Variants in ZC3H7A observed in about 807,000 individuals in gnomAD.
ZC3H7A encodes the protein zinc finger CCCH domain-containing protein 7A.
In ZC3H7A, 44 loss-of-function variants were observed where a neutral mutation model predicts 125.5. That is an observed-to-expected ratio of 0.35 (90% CI 0.28 to 0.45). The LOEUF (loss-of-function observed/expected upper bound fraction) is 0.45, where lower values mean the gene tolerates loss of function less well. Ranked by LOEUF, ZC3H7A falls within the 20% of genes least tolerant of loss-of-function variation. ZC3H7A has a pLI of 1.00. For synonymous variants in ZC3H7A, 399 were observed against 391.2 expected (o/e 1.02, Z -0.23); for missense variants, 977 against 1,170.7 (o/e 0.83, Z 2.41).
chr16:11,791,088 A>AAC (rs34972921), intron 1 of ZC3H7A, among the ~76,000 whole-genome samples: 22,059 of 135,924 alleles, frequency 0.16, 1,716 homozygotes, highest in Non-Finnish European at 0.17. Flanking sequence ...AAATTTTTAA[A>AAC]ACACACACAC....
chr16:11,760,330 A>C (rs1463747068), intron 19 of ZC3H7A, among the ~76,000 whole-genome samples: 3 of 152,154 alleles, frequency 2.0e-5, no homozygotes, highest in Non-Finnish European at 4.4e-5. Context: ...TGATATACAT[A>C]TTATCTCCAT....
chr16:11,782,253 C>A (rs760774535), intron 2 of ZC3H7A, 34 bp downstream of exon 2: 2 of 1,611,952 alleles, frequency 1.2e-6, no homozygotes, highest in Non-Finnish European at 1.7e-6. Flanking sequence ...AGAATTAGGA[C>A]GCGGCAAGAA....
rs1596384148 is a variant in ZC3H7A at position 11,765,353 on chromosome 16, AAT to A, written c.1719+134_1719+135del. The A allele has an allele frequency of 9.5e-6, 6 of 632,256 alleles. No individual in the cohort carries two copies. The highest frequency in any genetic ancestry group is 1.5e-5 in the Non-Finnish European group (6 of 408,110). The allele number at this position is 632,256 out of a possible 1,614,324, so 39.2% of individuals were successfully genotyped here. A position where few individuals can be genotyped will look rare whatever the true frequency, so the allele number is the denominator to read the frequency against. On this transcript the variant is annotated intron_variant, in intron 14 of 22. Coordinates refer to ENST00000355758, the MANE Select transcript of ZC3H7A (RefSeq NM_014153.4). The surrounding 1 kb of genome is among the most constrained non-coding windows in gnomAD (Gnocchi z 4.8). ...GGACCAGAGGAATATTTTATTCATAAATATGATATTATTTATCATATAAATAA... is the reference window on the plus strand; with the variant it reads ...GGACCAGAGGAATATTTTATTCATAAATGATATTATTTATCATATAAATAA...
intron 10 of ZC3H7A, among the ~76,000 whole-genome samples, chr16:11,769,418 A>C (rs1427582581): frequency 6.6e-6 from 1 of 152,108 alleles, no homozygotes; most frequent in Non-Finnish European, 1.5e-5. Flanking sequence ...TCCTTTTGAA[A>C]ATATGGGGCC....
intron 17 of ZC3H7A, among the ~76,000 whole-genome samples, chr16:11,762,421 AG>A (rs2052767910): frequency 6.6e-6 from 1 of 152,182 alleles, no homozygotes; most frequent in African/African-American, 2.4e-5. Context: ...CCAGAACTCC[AG>A]TTGTTTTGTC....
At chr16:11,751,550 C>T in intron 22 of ZC3H7A, 44 bp from the exon 23 acceptor site, 1 of 1,559,586 alleles carries the variant, frequency 6.4e-7, no homozygotes, top group Non-Finnish European at 8.7e-7. Flanking sequence ...TAAGTTGTTT[C>T]TAAAAATCGT....
At chr16:11,760,976 A>G (rs1286064814) in intron 19 of ZC3H7A, among the ~76,000 whole-genome samples, 2 of 152,196 alleles carry the variant, frequency 1.3e-5, no homozygotes, top group Admixed American at 6.5e-5. Flanking sequence ...GGTGTCTTGT[A>G]GCTACGTATC....
chr16:11,788,240 A>G (rs2053289110), intron 1 of ZC3H7A, among the ~76,000 whole-genome samples: 1 of 151,978 alleles, frequency 6.6e-6, no homozygotes, highest in South Asian at 2.1e-4. Flanking sequence ...GTCTCCTGCA[A>G]GCTGAGGCTC....
chr16:11,792,518 A>G (rs1472697443), intron 1 of ZC3H7A, among the ~76,000 whole-genome samples: 1 of 152,250 alleles, frequency 6.6e-6, no homozygotes, highest in African/African-American at 2.4e-5. Context: ...ACTAGCTCAC[A>G]TTAACAGAAG....
chr16:11,782,407 A>T lies in ZC3H7A; in HGVS notation c.-34-19T>A. Reference sequence around the variant, plus strand: ...GAGCAATCTGGAAAGAAACAAGGCAAAAAAGCACATAAGGTACCAGGGTCC... The same window carrying T: ...GAGCAATCTGGAAAGAAACAAGGCATAAAAGCACATAAGGTACCAGGGTCC... On this transcript the variant is annotated intron_variant, in intron 1 of 22. Transcript: ENST00000355758. 1.2e-6 allele frequency: 2 copies of T among 1,607,416 alleles called. No individual in the cohort carries two copies. The highest frequency in any genetic ancestry group is 1.7e-6 in the Non-Finnish European group (2 of 1,174,362).
chr16:11,792,168 A>G (rs902180315), intron 1 of ZC3H7A, among the ~76,000 whole-genome samples: 7 of 152,188 alleles, frequency 4.6e-5, no homozygotes, highest in Non-Finnish European at 1.0e-4. Flanking sequence ...TTAGCCTCCC[A>G]AAGTATTGGG....
Position 11,765,658 on chromosome 16 carries a change from T to C in ZC3H7A, c.1550A>G (p.Tyr517Cys). Residue 517 changes from tyrosine (Y) to cysteine (C), a missense_variant, in exon 14 of 23, where the codon TAT (tyrosine) becomes TGT (cysteine). This residue lies in a region of ZC3H7A where 436 missense variants were observed against 603.2 expected (regional missense o/e 0.72). Transcript: ENST00000355758. The surrounding 1 kb of genome is among the most constrained non-coding windows in gnomAD (Gnocchi z 4.8). ...KDVAAEEECRYSGHCTFAYCQ... is the reference protein window; with the variant it reads ...KDVAAEEECRCSGHCTFAYCQ... ...ATAAGCAAACGTGCAGTGGCCTGAA[T>C]ATCTACATTCCTCCTCAGCAGCAAC... 1.2e-6 allele frequency: 2 copies of C among 1,613,780 alleles called. No individual in the cohort carries two copies. The highest frequency in any genetic ancestry group is 1.7e-6 in the Non-Finnish European group (2 of 1,179,796).
intron 10 of ZC3H7A, among the ~76,000 whole-genome samples, chr16:11,769,470 G>A (rs1187171616): frequency 2.0e-5 from 3 of 151,822 alleles, no homozygotes; most frequent in Non-Finnish European, 4.4e-5. Flanking sequence ...TACTTTAGGA[G>A]GCCAAAGTGG....
intron 21 of ZC3H7A, among the ~76,000 whole-genome samples, chr16:11,755,975 C>A (rs1205197115): frequency 1.3e-5 from 2 of 152,038 alleles, no homozygotes; most frequent in African/African-American, 4.8e-5. Context: ...CCATCCTGGC[C>A]AACATGGTGA....
At chr16:11,766,368 G>A (rs960770506) in intron 13 of ZC3H7A, among the ~76,000 whole-genome samples, 10 of 151,770 alleles carry the variant, frequency 6.6e-5, no homozygotes, top group East Asian at 3.9e-4. Flanking sequence ...ACTTCAAAAC[G>A]AGCCTAACCA....
intron 2 of ZC3H7A, among the ~76,000 whole-genome samples, chr16:11,781,800 AT>A (rs899277009): frequency 4.8e-4 from 73 of 152,200 alleles, no homozygotes; most frequent in African/African-American, 1.6e-3. Flanking sequence ...ACAATATTTG[AT>A]CCAATTTACT....
chr16:11,791,145 A>G (rs1381074179), intron 1 of ZC3H7A, among the ~76,000 whole-genome samples: 1 of 148,540 alleles, frequency 6.7e-6, no homozygotes, highest in African/African-American at 2.5e-5. Flanking sequence ...CAATGCTTGC[A>G]CTCTGCTTAA....
intron 12 of ZC3H7A, among the ~76,000 whole-genome samples, chr16:11,767,895 A>G (rs2052889235): frequency 6.6e-6 from 1 of 152,224 alleles, no homozygotes; most frequent in Admixed American, 6.5e-5. Flanking sequence ...CACTTGATTT[A>G]ACGGTAAACA....
chr16:11,762,584 G>A, intron 17 of ZC3H7A, 87 bp downstream of exon 17: 1 of 1,216,358 alleles, frequency 8.2e-7, no homozygotes, highest in Non-Finnish European at 1.2e-6. Context: ...TGGACTGTAA[G>A]TGTTAACTGC....
Sources: gnomAD v4.1 joint callset for allele counts (sites outside exome capture counted in the v4.1 genomes callset) on GRCh38, gnomAD v4.1.1 for gene constraint, gnomAD v4.1.1 regional missense constraint, Gnocchi (gnomAD v3.1) non-coding constraint, MANE v1.5 for transcripts, NCBI Gene and HGNC (gene_info 2026-07-23, HGNC 2026-07-21) for gene names.